Variants in PCDHA6 observed in about 807,000 individuals in gnomAD.
PCDHA6 encodes protocadherin alpha-6.
In PCDHA6, 55 loss-of-function variants were observed where a neutral mutation model predicts 60.3. The ratio of observed to expected loss-of-function variants is 0.91; its 90% CI spans 0.73 to 1.14. PCDHA6 has a LOEUF of 1.14. Among genes scored for constraint, PCDHA6 ranks in the 50% most tolerant of loss-of-function variants. The pLI is 0.00. For synonymous variants in PCDHA6, 652 were observed against 557.9 expected (o/e 1.17, Z -2.38); for missense variants, 1,327 against 1,256.5 (o/e 1.06, Z -0.85).
intron 1 of PCDHA6, chr5:140,882,334 A>G: frequency 1.2e-6 from 2 of 1,614,176 alleles, no homozygotes; most frequent in Non-Finnish European, 1.7e-6. Flanking sequence ...TGATCCTCGC[A>G]GCCTGGGAGA....
chr5:140,990,369 C>T (rs2097390541), intron 3 of PCDHA6, among the ~76,000 whole-genome samples: 1 of 152,054 alleles, frequency 6.6e-6, no homozygotes, highest in South Asian at 2.1e-4. Flanking sequence ...TCTAATAAAG[C>T]AAATTTGTTG....
chr5:140,947,188 T>C (rs2153678869), intron 1 of PCDHA6, among the ~76,000 whole-genome samples: 1 of 151,448 alleles, frequency 6.6e-6, no homozygotes, highest in South Asian at 2.1e-4. Context: ...CATGGTATAC[T>C]ACACAGCCTT....
intron 1 of PCDHA6, among the ~76,000 whole-genome samples, chr5:140,872,601 AAAT>A (rs1346815805): frequency 2.6e-5 from 4 of 152,140 alleles, no homozygotes; most frequent in African/African-American, 7.2e-5. Flanking sequence ...CCATCTGAAA[AAAT>A]AATTTTTTTT....
At position 140,850,562 on chromosome 5, in the gene PCDHA6, C is replaced by G. The variant is rs2150489447; in HGVS notation, c.2394+20077C>G. On this transcript the variant is annotated intron_variant, in intron 1 of 3. Transcript: ENST00000529310. Reference sequence around the variant, plus strand: ...GGGCGTCAGTGGGTGCCACGGGCCCCGAGGTGACGCTGGTGGATGTCAACG... The same window carrying G: ...GGGCGTCAGTGGGTGCCACGGGCCCGGAGGTGACGCTGGTGGATGTCAACG... 18 of 1,598,196 alleles carry G rather than the reference C, an allele frequency of 1.1e-5. 1 individual carries two copies. Among genetic ancestry groups the G allele is most frequent in the Admixed American group, 8.4e-5 (5 of 59,298 alleles).
chr5:140,961,770 A>C, intron 1 of PCDHA6, among the ~76,000 whole-genome samples: 1 of 152,206 alleles, frequency 6.6e-6, no homozygotes, highest in East Asian at 1.9e-4. Flanking sequence ...ATTTATATCA[A>C]GCTTAATGGC....
At chr5:140,882,675 G>C in intron 1 of PCDHA6, 1 of 1,614,218 alleles carries the variant, frequency 6.2e-7, no homozygotes, top group East Asian at 2.2e-5. Flanking sequence ...TTCCCTGAAA[G>C]CAAGAAACGA....
rs1398153775 is a variant in PCDHA6, at chr5:140,869,752, G to T, written c.2394+39267G>T. On this transcript the variant is annotated intron_variant, in intron 1 of 3. Coordinates refer to ENST00000529310, the MANE Select transcript of PCDHA6 (RefSeq NM_018909.4). ...TAATTTGCTGCTAACAGCTACAGAC[G>T]GGGGAAAACCAGAGCTTACTGGCAC... 12 of 1,613,018 alleles carry T rather than the reference G, an allele frequency of 7.4e-6. No homozygotes were observed. The highest frequency in any genetic ancestry group is 1.0e-5 in the Non-Finnish European group (12 of 1,179,744).
rs138092357 is a variant in PCDHA6 at position 140,856,175 on chromosome 5, T to C, written c.2394+25690T>C. On this transcript the variant is annotated intron_variant, in intron 1 of 3. Transcript: ENST00000529310. The stretch of plus-strand genomic sequence containing the variant: ...CTACGAGGAGGCCAGACACGGCACC[T>C]TCGTGGGCCGCATCGCGCAGGACCT... The C allele has an allele frequency of 1.5e-4, 244 of 1,598,214 alleles. 13 individuals are homozygous for C. The African/African-American group carries it at 2.9e-3, about 19-fold the overall frequency.
At chr5:140,935,767 T>C (rs1373324342) in intron 1 of PCDHA6, among the ~76,000 whole-genome samples, 2 of 152,184 alleles carry the variant, frequency 1.3e-5, no homozygotes, top group Non-Finnish European at 2.9e-5. Flanking sequence ...TCTTCCCCAC[T>C]TTGAGTTTTT....
intron 3 of PCDHA6, among the ~76,000 whole-genome samples, chr5:140,990,502 A>T (rs1303617067): frequency 6.6e-6 from 1 of 152,164 alleles, no homozygotes; most frequent in African/African-American, 2.4e-5. Context: ...ACATTCCCCA[A>T]GTCTTCTCTC....
rs1777656080 is a variant in PCDHA6, at chr5:140,842,032, T to C, written c.2394+11547T>C. ...TGGTCACAGTGCTGGATGTGAATGA[T>C]AATGCTCCCACTTTCGAACAGTCTG... On this transcript the variant is annotated intron_variant, in intron 1 of 3. Transcript: ENST00000529310. The C allele has an allele frequency of 1.9e-6, 3 of 1,613,844 alleles. 1 individual carries two copies. The highest frequency in any genetic ancestry group is 1.7e-5 in the Admixed American group (1 of 60,002).
intron 1 of PCDHA6, among the ~76,000 whole-genome samples, chr5:140,956,385 T>C (rs1313427005): frequency 6.6e-6 from 1 of 152,198 alleles, no homozygotes; most frequent in Non-Finnish European, 1.5e-5. Flanking sequence ...ATCGAAGGCC[T>C]TTTCTGAATC....
At chr5:140,838,166 T>C (rs1354444358) in intron 1 of PCDHA6, among the ~76,000 whole-genome samples, 1 of 147,660 alleles carries the variant, frequency 6.8e-6, no homozygotes, top group African/African-American at 2.5e-5. Context: ...CTCTCTGGAG[T>C]GCAGTGGTGC....
intron 3 of PCDHA6, among the ~76,000 whole-genome samples, chr5:140,990,224 G>A (rs1368393390): frequency 6.6e-6 from 1 of 152,160 alleles, no homozygotes; most frequent in South Asian, 2.1e-4. Flanking sequence ...GAAGTTTATT[G>A]TAACTAGCGT....
chr5:140,986,776 C>G (rs916981139), intron 3 of PCDHA6, among the ~76,000 whole-genome samples: 5 of 152,098 alleles, frequency 3.3e-5, no homozygotes, highest in Non-Finnish European at 7.3e-5. Context: ...AATTAGGTAG[C>G]GGAAGCCACT....
rs1340028669 is a variant in PCDHA6 at position 140,846,205 on chromosome 5, T to A, written c.2394+15720T>A. ...GTTTGAGTTCTTTGTATGTATGAGA[T>A]CTTTCCATTAATAGTATTTTTCTTA... On this transcript the variant is annotated intron_variant, in intron 1 of 3. Transcript: ENST00000529310. Among the ~76,000 whole-genome samples, 4 of 149,544 alleles carry A rather than the reference T, an allele frequency of 2.7e-5. 1 individual carries two copies. The highest frequency in any genetic ancestry group is 6.0e-5 in the Non-Finnish European group (4 of 66,902).
chr5:140,884,798 A>C, intron 1 of PCDHA6: 3 of 1,275,332 alleles, frequency 2.4e-6, no homozygotes, highest in Non-Finnish European at 3.2e-6. Flanking sequence ...TATCGAATTT[A>C]ACAACTCTGC....
chr5:140,876,031 G>C, intron 1 of PCDHA6: 2 of 1,613,702 alleles, frequency 1.2e-6, no homozygotes, highest in Non-Finnish European at 1.7e-6. Flanking sequence ...AACAAAAAAA[G>C]ATAAAAGTAT....
intron 1 of PCDHA6, among the ~76,000 whole-genome samples, chr5:140,900,840 T>G (rs6874218): frequency 0.33 from 49,667 of 152,016 alleles, 8,381 homozygotes; most frequent in East Asian, 0.53. Flanking sequence ...ATGTACAAAG[T>G]TTCCCTTTTT....
Sources: gnomAD v4.1 joint callset for allele counts (sites outside exome capture counted in the v4.1 genomes callset) on GRCh38, gnomAD v4.1.1 for gene constraint, MANE v1.5 for transcripts, NCBI Gene and HGNC (gene_info 2026-07-23, HGNC 2026-07-21) for gene names.